TTC28: variants seen among roughly 807,000 people sequenced by gnomAD.
TTC28 encodes tetratricopeptide repeat protein 28.
A neutral mutation model predicts 198.0 loss-of-function variants in TTC28; 61 were observed. The observed-to-expected ratio is 0.31, with a 90% CI of 0.25 to 0.38. The LOEUF is 0.38. Ranked by LOEUF, TTC28 falls within the 10% of genes least tolerant of loss-of-function variation. The pLI is 1.00. For missense variants in TTC28, 2,678 were observed against 3,164.0 expected, an observed-to-expected ratio of 0.85 and a Z score of 3.69; for synonymous variants, 1,171 against 1,297.8, an observed-to-expected ratio of 0.90 and a Z score of 2.10.
chr22:28,032,053 T>C (rs1016643236), intron 12 of TTC28, among the ~76,000 whole-genome samples: 10 of 151,450 alleles, frequency 6.6e-5, no homozygotes, highest in Admixed American at 1.3e-4. Context: ...ATCCTGGGGC[T>C]TCTCAGCCTC....
intron 2 of TTC28, among the ~76,000 whole-genome samples, chr22:28,363,448 A>G (rs12157287): frequency 4.1e-4 from 62 of 152,316 alleles, no homozygotes; most frequent in African/African-American, 1.4e-3. Flanking sequence ...TGAGGCCCTC[A>G]TGGAGAACCT....
At chr22:28,491,667 G>A (rs2048380862) in intron 2 of TTC28, among the ~76,000 whole-genome samples, 1 of 152,218 alleles carries the variant, frequency 6.6e-6, no homozygotes, top group Non-Finnish European at 1.5e-5. Context: ...TGGTGGGACT[G>A]TAAACTAGTT....
chr22:28,035,838 T>C (rs1191246305), intron 12 of TTC28, among the ~76,000 whole-genome samples: 2 of 152,202 alleles, frequency 1.3e-5, no homozygotes, highest in East Asian at 3.9e-4. Context: ...GTTGCAATCT[T>C]AGTCTCTGAT....
chr22:28,184,365 T>C (rs1464859226), intron 5 of TTC28, among the ~76,000 whole-genome samples: 1 of 152,162 alleles, frequency 6.6e-6, no homozygotes, highest in Non-Finnish European at 1.5e-5. Context: ...ATTATATTAA[T>C]AAAAAATCCT....
chr22:28,198,251 C>A (rs1925570813), intron 5 of TTC28, among the ~76,000 whole-genome samples: 1 of 152,076 alleles, frequency 6.6e-6, no homozygotes, highest in Admixed American at 6.6e-5. Context: ...CCTGTCTGAC[C>A]TCTAATCGAT....
intron 5 of TTC28, among the ~76,000 whole-genome samples, chr22:28,269,229 T>G (rs1415013787): frequency 6.6e-6 from 1 of 152,158 alleles, no homozygotes; most frequent in Non-Finnish European, 1.5e-5. Flanking sequence ...TACACACTGT[T>G]GGGTCTCTGT....
chr22:28,253,236 G>T (rs1426950630), intron 5 of TTC28, among the ~76,000 whole-genome samples: 4 of 152,112 alleles, frequency 2.6e-5, no homozygotes. Flanking sequence ...CAATTGTTCA[G>T]ACTTCCAAAT....
At chr22:28,187,431 A>T (rs1601445083) in intron 5 of TTC28, among the ~76,000 whole-genome samples, 3 of 152,250 alleles carry the variant, frequency 2.0e-5, no homozygotes, top group Non-Finnish European at 4.4e-5. Context: ...GTATAACAAA[A>T]TTAAACTTCC....
intron 1 of TTC28, among the ~76,000 whole-genome samples, chr22:28,635,829 A>G (rs916040752): frequency 6.6e-6 from 1 of 152,126 alleles, no homozygotes; most frequent in Non-Finnish European, 1.5e-5. Context: ...AATACTTAAG[A>G]TCTACTCTCT....
At chr22:28,404,396 C>T (rs1263948355) in intron 2 of TTC28, among the ~76,000 whole-genome samples, 4 of 152,148 alleles carry the variant, frequency 2.6e-5, no homozygotes, top group African/African-American at 7.2e-5. Flanking sequence ...GGGTTACTGG[C>T]GTGAGACACC....
chr22:28,480,059 A>G (rs1251628974), intron 2 of TTC28, among the ~76,000 whole-genome samples: 1 of 152,208 alleles, frequency 6.6e-6, no homozygotes, highest in Non-Finnish European at 1.5e-5. Flanking sequence ...ATCACAGAAG[A>G]TGAGGCAAAG....
intron 1 of TTC28, among the ~76,000 whole-genome samples, chr22:28,663,388 G>A (rs1478499084): frequency 6.6e-6 from 1 of 150,474 alleles, no homozygotes; most frequent in Non-Finnish European, 1.5e-5. Context: ...TGAGGTACCG[G>A]GTTCATCTCA....
intron 2 of TTC28, among the ~76,000 whole-genome samples, chr22:28,463,246 G>C (rs28633312): frequency 6.6e-6 from 1 of 152,214 alleles, no homozygotes; most frequent in African/African-American, 2.4e-5. Context: ...TTTTGGCTTA[G>C]GATTGACTTG....
intron 19 of TTC28, among the ~76,000 whole-genome samples, chr22:27,991,159 AC>A: frequency 6.6e-6 from 1 of 152,350 alleles, no homozygotes; most frequent in Middle Eastern, 3.4e-3. Flanking sequence ...GGAAAGGTCC[AC>A]CAGCTGCCAC....
At chr22:28,248,644 A>G (rs1930286711) in intron 5 of TTC28, among the ~76,000 whole-genome samples, 1 of 152,146 alleles carries the variant, frequency 6.6e-6, no homozygotes, top group Non-Finnish European at 1.5e-5. Context: ...TGAAGCCACA[A>G]TGGAGTTGCT....
chr22:28,128,365 T>C (rs1372548208), intron 6 of TTC28, among the ~76,000 whole-genome samples: 1 of 152,000 alleles, frequency 6.6e-6, no homozygotes, highest in Non-Finnish European at 1.5e-5. Flanking sequence ...ACATGGGCTA[T>C]TTTGAATTAT....
At chr22:28,164,811 G>T (rs544518747) in intron 5 of TTC28, among the ~76,000 whole-genome samples, 3 of 152,326 alleles carry the variant, frequency 2.0e-5, no homozygotes, top group Admixed American at 6.5e-5. Flanking sequence ...TTGACAAGTT[G>T]AGAGAAGAAG....
At chr22:28,158,161 A>G (rs1269093922) in intron 6 of TTC28, among the ~76,000 whole-genome samples, 1 of 152,214 alleles carries the variant, frequency 6.6e-6, no homozygotes, top group Non-Finnish European at 1.5e-5. Context: ...AATCTCATTT[A>G]CAATAGCCAT....
At chr22:28,473,289 T>C (rs1170483113) in intron 2 of TTC28, among the ~76,000 whole-genome samples, 1 of 152,192 alleles carries the variant, frequency 6.6e-6, no homozygotes, top group Non-Finnish European at 1.5e-5. Context: ...TTGGATATAA[T>C]GCCTTTAAAG....
Sources: allele counts gnomAD v4.1 joint callset (sites outside exome capture counted in the v4.1 genomes callset), GRCh38; gene constraint gnomAD v4.1.1; transcripts MANE v1.5; gene names NCBI Gene and HGNC (gene_info 2026-07-23, HGNC 2026-07-21).